The following CAPS2 variants were observed in gnomAD, a reference collection of about 807,000 sequenced individuals.
CAPS2 encodes the protein calcyphosin-2.
Under a neutral mutation model 86.5 loss-of-function variants are expected in CAPS2, and 98 were observed. That is an observed-to-expected ratio of 1.13 (90% CI 0.96 to 1.34). The LOEUF is 1.34. CAPS2 is among the 40% of genes most tolerant of loss of function. CAPS2 has a pLI of 0.00. For synonymous variants in CAPS2, 210 were observed against 225.1 expected (o/e 0.93, Z 0.60); for missense variants, 729 against 686.8 (o/e 1.06, Z -0.69).
exon 12 of CAPS2, chr12:75,293,275 A>C (rs2036318034): frequency 1.9e-6 from 3 of 1,609,052 alleles, no homozygotes; most frequent in Non-Finnish European, 2.5e-6. Flanking sequence ...CTATTTGATC[A>C]ATATTTGTGA....
At chr12:75,302,684 A>G (rs951521590) in intron 8 of CAPS2, among the ~76,000 whole-genome samples, 2 of 152,332 alleles carry the variant, frequency 1.3e-5, no homozygotes, top group Admixed American at 6.5e-5. Flanking sequence ...TGTAAATAAG[A>G]TCCACAAATA....
intron 16 of CAPS2, among the ~76,000 whole-genome samples, chr12:75,280,812 C>A (rs2033815179): frequency 6.6e-6 from 1 of 151,782 alleles, no homozygotes. Flanking sequence ...ATAACCAAAT[C>A]TCATGATTTC....
chr12:75,278,952 TTAA>T (rs2033380200), exon 17 of CAPS2: 1 of 1,610,296 alleles, frequency 6.2e-7, no homozygotes, highest in Non-Finnish European at 8.5e-7. Flanking sequence ...ATTCCTATAC[TTAA>T]ACCTTCATAG....
At chr12:75,353,246 C>T (rs1346188787) in intron 1 of CAPS2, among the ~76,000 whole-genome samples, 9 of 151,866 alleles carry the variant, frequency 5.9e-5, no homozygotes, top group African/African-American at 1.7e-4. Context: ...AGATAGACTA[C>T]TAACTAAATA....
At chr12:75,299,105 G>A in intron 9 of CAPS2, 139 bp from the exon 10 acceptor site, 1 of 534,714 alleles carries the variant, frequency 1.9e-6, no homozygotes. Flanking sequence ...GGAAACTGTA[G>A]GGAAAACACA....
chr12:75,280,573 T>C (rs1203875697), intron 16 of CAPS2, among the ~76,000 whole-genome samples: 1 of 151,444 alleles, frequency 6.6e-6, no homozygotes, highest in African/African-American at 2.4e-5. Flanking sequence ...AAGAAAAAAA[T>C]ACATGATGTT....
chr12:75,342,795 T>C (rs1357166356), intron 1 of CAPS2, among the ~76,000 whole-genome samples: 1 of 152,114 alleles, frequency 6.6e-6, no homozygotes, highest in African/African-American at 2.4e-5. Context: ...AATATTCTGG[T>C]CCATGAACAT....
intron 1 of CAPS2, chr12:75,370,018 A>T: frequency 8.3e-7 from 1 of 1,211,806 alleles, no homozygotes; most frequent in East Asian, 2.4e-5. Context: ...TATTAATTAA[A>T]TTATTTCCTC....
intron 8 of CAPS2, among the ~76,000 whole-genome samples, chr12:75,303,898 T>G (rs1278279825): frequency 3.9e-5 from 6 of 152,072 alleles, no homozygotes; most frequent in Non-Finnish European, 5.9e-5. Context: ...TTGAAGACTT[T>G]GAAGATGGAG....
At chr12:75,382,293 T>C (rs1194931731) in intron 1 of CAPS2, among the ~76,000 whole-genome samples, 3 of 152,232 alleles carry the variant, frequency 2.0e-5, no homozygotes, top group African/African-American at 7.2e-5. Flanking sequence ...TTAAATTTGC[T>C]AGCTTTTATC....
chr12:75,381,708 A>G (rs1204791623), intron 1 of CAPS2, among the ~76,000 whole-genome samples: 1 of 140,122 alleles, frequency 7.1e-6, no homozygotes, highest in Non-Finnish European at 1.5e-5. Context: ...TCCGCCTCCC[A>G]GGTTCAAGCG....
rs1425584063 is a variant in CAPS2, at chr12:75,278,164, C to G, written c.*726G>C. 7 of 961,270 alleles carry G rather than the reference C, an allele frequency of 7.3e-6. No homozygotes were observed. The East Asian group carries it at 8.1e-4, about 111-fold the overall frequency. The allele number at this position is 961,270 out of a possible 1,614,324, so 59.5% of individuals were successfully genotyped here. A position where few individuals can be genotyped will look rare whatever the true frequency, so the allele number is the denominator to read the frequency against. ...AATCGTATGCTGGTAAAAAGGATTACAGTTAAAAAGCAGAATAAAAGAACA... is the reference window on the plus strand; with the variant it reads ...AATCGTATGCTGGTAAAAAGGATTAGAGTTAAAAAGCAGAATAAAAGAACA... On this transcript the variant is annotated 3_prime_UTR_variant, in exon 17 of 17. Transcript: ENST00000393284.
chr12:75,331,245 G>A (rs2041279188), upstream of CAPS2, among the ~76,000 whole-genome samples: 1 of 152,158 alleles, frequency 6.6e-6, no homozygotes, highest in Non-Finnish European at 1.5e-5. Context: ...CAAATTAGAA[G>A]TAAGAGTTTA....
rs140429265 is a variant in CAPS2 at position 75,365,515 on chromosome 12, C to G, written c.-395+25323G>C. On this transcript the variant is annotated intron_variant, in intron 1 of 5. Coordinates refer to the CAPS2 transcript ENST00000551829. ...ACTTTTAAATAACCTTTGAATGAAA[C>G]AAACATTATTTACCTTTCAATAAGA... Among the ~76,000 whole-genome samples the G allele has an allele frequency of 5.5e-3, 836 of 152,118 alleles. 6 individuals are homozygous for G. The highest frequency in any genetic ancestry group is 0.019 in the African/African-American group (769 of 41,508).
At chr12:75,306,341 TA>T in intron 7 of CAPS2, 1 of 501,508 alleles carries the variant, frequency 2.0e-6, no homozygotes, top group Non-Finnish European at 3.6e-6. Flanking sequence ...ACTGCTCCTG[TA>T]ACAGTGTCTC....
intron 9 of CAPS2, 129 bp from the exon 10 acceptor site, chr12:75,299,095 G>T: frequency 1.8e-6 from 1 of 563,542 alleles, no homozygotes; most frequent in Admixed American, 3.5e-5. Flanking sequence ...GAAGGTTATG[G>T]GAAACTGTAG....
At chr12:75,319,829 T>C (rs1411346730) in intron 5 of CAPS2, among the ~76,000 whole-genome samples, 1 of 152,198 alleles carries the variant, frequency 6.6e-6, no homozygotes, top group Non-Finnish European at 1.5e-5. Context: ...ATCAGGGATG[T>C]CTTCTGTTTC....
rs759592120 is a variant in CAPS2 at position 75,289,790 on chromosome 12, G to A, written c.1241-15C>T. Reference sequence around the variant, plus strand: ...TTTTAGCACATCTGTTCAACAAGAAGAGAGATGAAAACAAATTGTTCCTAT... The same window carrying A: ...TTTTAGCACATCTGTTCAACAAGAAAAGAGATGAAAACAAATTGTTCCTAT... On this transcript the variant is annotated splice_polypyrimidine_tract_variant and intron_variant, in intron 13 of 16. Transcript: ENST00000393284. 3 of 1,594,924 alleles carry A rather than the reference G, an allele frequency of 1.9e-6. No individual in the cohort carries two copies. The African/African-American group carries it at 4.0e-5, about 22-fold the overall frequency.
rs144463921 is a variant in CAPS2, at chr12:75,378,499, T to C, written c.-395+12339A>G. On this transcript the variant is annotated intron_variant, in intron 1 of 5. Coordinates refer to the CAPS2 transcript ENST00000551829. ...AATTGGCTCACAGGATCCTGTGGGCTAACAAGTGGAAATTTTTAGGGCAAG... is the reference window on the plus strand; with the variant it reads ...AATTGGCTCACAGGATCCTGTGGGCCAACAAGTGGAAATTTTTAGGGCAAG... Among the ~76,000 whole-genome samples the C allele has an allele frequency of 6.2e-3, 946 of 152,214 alleles. 5 individuals carry two copies. The highest frequency in any genetic ancestry group is 9.5e-3 in the Non-Finnish European group (647 of 68,008).
Sources: gnomAD v4.1 joint callset for allele counts (sites outside exome capture counted in the v4.1 genomes callset) on GRCh38, gnomAD v4.1.1 for gene constraint, MANE v1.5 for transcripts, NCBI Gene and HGNC (gene_info 2026-07-23, HGNC 2026-07-21) for gene names.